The following ZNF280D variants were observed in gnomAD, a reference collection of about 807,000 sequenced individuals.
The protein encoded by ZNF280D is zinc finger protein 280D.
Under a neutral mutation model 94.7 loss-of-function variants are expected in ZNF280D, and 39 were observed. The observed-to-expected ratio is 0.41, with a 90% CI of 0.32 to 0.54. The LOEUF (loss-of-function observed/expected upper bound fraction) is 0.54, where lower values mean the gene tolerates loss of function less well. Among genes scored for constraint, ZNF280D ranks in the 20% least tolerant of loss-of-function variants. The pLI is 0.22. For synonymous variants in ZNF280D, 398 were observed against 377.6 expected (o/e 1.05, Z -0.63); for missense variants, 1,090 against 1,149.3 (o/e 0.95, Z 0.75).
intron 13 of ZNF280D, among the ~76,000 whole-genome samples, chr15:56,675,050 T>C (rs2055122680): frequency 6.6e-6 from 1 of 152,018 alleles, no homozygotes; most frequent in Non-Finnish European, 1.5e-5. Context: ...AGATGCCCAA[T>C]GATCCTTACT....
intron 1 of ZNF280D, among the ~76,000 whole-genome samples, chr15:56,720,986 A>C (rs2141401118): frequency 7.4e-6 from 1 of 134,768 alleles, no homozygotes; most frequent in African/African-American, 2.7e-5. Context: ...GGGGGGGGAC[A>C]GAGTCTCGCT....
At chr15:56,657,186 C>A (rs1459846554) in intron 17 of ZNF280D, among the ~76,000 whole-genome samples, 1 of 152,076 alleles carries the variant, frequency 6.6e-6, no homozygotes, top group African/African-American at 2.4e-5. Flanking sequence ...GAATATGAAA[C>A]AATAGCGCTC....
intron 1 of ZNF280D, among the ~76,000 whole-genome samples, chr15:56,709,642 A>T (rs1382797613): frequency 6.6e-6 from 1 of 152,238 alleles, no homozygotes; most frequent in Non-Finnish European, 1.5e-5. Flanking sequence ...GGATTAAGAA[A>T]ATGTGGCACA....
intron 1 of ZNF280D, among the ~76,000 whole-genome samples, chr15:56,727,519 G>A (rs1302992963): frequency 6.6e-6 from 1 of 152,154 alleles, no homozygotes; most frequent in Non-Finnish European, 1.5e-5. Flanking sequence ...GGCAAATAAG[G>A]GGAGGGCACA....
intron 6 of ZNF280D, among the ~76,000 whole-genome samples, chr15:56,697,153 G>A (rs1236796797): frequency 1.3e-5 from 2 of 151,552 alleles, no homozygotes; most frequent in African/African-American, 4.8e-5. Context: ...TTACATTCTG[G>A]GTACCTTTCC....
At chr15:56,645,710 C>T (rs1474228369) in intron 19 of ZNF280D, among the ~76,000 whole-genome samples, 2 of 152,080 alleles carry the variant, frequency 1.3e-5, no homozygotes, top group Non-Finnish European at 2.9e-5. Flanking sequence ...CCATGCCTGG[C>T]TAATTTTTGT....
chr15:56,658,411 A>T lies in ZNF280D; in HGVS notation c.2057+13T>A. ...TTTTCAATAGAAAGAGTAAAAAAAG[A>T]TCAACTAGTTACCGGAGATTTTCTG... On this transcript the variant is annotated intron_variant, in intron 17 of 21. Transcript: ENST00000267807. The T allele has an allele frequency of 6.3e-7, 1 of 1,578,018 alleles. No homozygotes were observed. The highest frequency in any genetic ancestry group is 1.4e-5 in the African/African-American group (1 of 72,760).
chr15:56,634,461 G>A (rs2052252119), intron 21 of ZNF280D, among the ~76,000 whole-genome samples: 1 of 151,958 alleles, frequency 6.6e-6, no homozygotes, highest in Non-Finnish European at 1.5e-5. Flanking sequence ...AAAATTCAAG[G>A]TGAAGAAAGG....
intron 20 of ZNF280D, among the ~76,000 whole-genome samples, chr15:56,639,274 T>C (rs1432821327): frequency 1.4e-5 from 2 of 143,942 alleles, no homozygotes; most frequent in African/African-American, 2.6e-5. Context: ...GAAAATAACA[T>C]ACAATTAAAT....
At chr15:56,676,458 A>T (rs1374057482) in intron 13 of ZNF280D, among the ~76,000 whole-genome samples, 2 of 151,988 alleles carry the variant, frequency 1.3e-5, no homozygotes, top group Non-Finnish European at 2.9e-5. Context: ...ATCTTTCAGA[A>T]TTTTCATTAT....
chr15:56,634,014 C>CATA (rs1480006308), intron 21 of ZNF280D: 8 of 151,954 alleles, frequency 5.3e-5, no homozygotes, highest in Non-Finnish European at 1.0e-4. Context: ...CCATTTCTCT[C>CATA]TCTATATATA....
chr15:56,649,205 G>A (rs1271844438), intron 19 of ZNF280D, among the ~76,000 whole-genome samples: 1 of 151,980 alleles, frequency 6.6e-6, no homozygotes, highest in South Asian at 2.1e-4. Flanking sequence ...TTATACCCTG[G>A]ATATTTAATT....
intron 20 of ZNF280D, among the ~76,000 whole-genome samples, chr15:56,635,987 A>G (rs377050700): frequency 6.6e-6 from 1 of 152,206 alleles, no homozygotes; most frequent in African/African-American, 2.4e-5. Flanking sequence ...CAATACCACA[A>G]TAAGTAGTAA....
chr15:56,689,580 TATC>T (rs2056295927), intron 7 of ZNF280D, 110 bp from the exon 8 acceptor site: 1 of 684,244 alleles, frequency 1.5e-6, no homozygotes, highest in Admixed American at 3.8e-5. Context: ...TGAATTATCA[TATC>T]ATGACAATAA....
At chr15:56,645,046 ACACT>A (rs1432976254) in intron 19 of ZNF280D, 3 of 152,224 alleles carry the variant, frequency 2.0e-5, no homozygotes, top group Admixed American at 6.5e-5. Flanking sequence ...ACTAAAATGT[ACACT>A]CAAACTTTGA....
chr15:56,686,035 G>A (rs1050302971), intron 9 of ZNF280D, among the ~76,000 whole-genome samples: 10 of 152,132 alleles, frequency 6.6e-5, no homozygotes, highest in African/African-American at 2.4e-4. Context: ...CCATAACAGG[G>A]GTTGTGAGTC....
intron 1 of ZNF280D, among the ~76,000 whole-genome samples, chr15:56,725,220 G>A (rs537553914): frequency 3.3e-5 from 5 of 151,714 alleles, no homozygotes; most frequent in East Asian, 3.9e-4. Flanking sequence ...GTCAAAATGC[G>A]TATCAACTCA....
intron 1 of ZNF280D, chr15:56,724,701 C>T (rs2058545819): frequency 1.2e-5 from 3 of 240,966 alleles, no homozygotes; most frequent in East Asian, 1.1e-4. Flanking sequence ...TGATGGAATA[C>T]GGTAACTGTG....
intron 15 of ZNF280D, 66 bp downstream of exon 15, chr15:56,666,613 T>TTTAG: frequency 1.3e-6 from 2 of 1,515,624 alleles, no homozygotes. Context: ...TAATGTTCTC[T>TTTAG]TAACTAAAGT....
Sources: gnomAD v4.1 joint callset for allele counts (sites outside exome capture counted in the v4.1 genomes callset) on GRCh38, gnomAD v4.1.1 for gene constraint, MANE v1.5 for transcripts, NCBI Gene and HGNC (gene_info 2026-07-23, HGNC 2026-07-21) for gene names.